The following OR51B5 variants were observed in gnomAD, a reference collection of about 807,000 sequenced individuals.
OR51B5 encodes olfactory receptor family 51 subfamily B member 5.
For missense variants in OR51B5, 456 were observed against 374.6 expected, an observed-to-expected ratio of 1.22 and a Z score of -1.79; for synonymous variants, 186 against 144.8, an observed-to-expected ratio of 1.28 and a Z score of -2.04.
At chr11:5,488,628 A>C (rs772855377) in intron 1 of OR51B5, 51 of 1,096,108 alleles carry the variant, frequency 4.7e-5, no homozygotes, top group Non-Finnish European at 6.8e-5. Context: ...TTTGTTTTAC[A>C]TAAATCAACC....
At chr11:5,413,064 G>A (rs955947744) in intron 1 of OR51B5, among the ~76,000 whole-genome samples, 2 of 152,174 alleles carry the variant, frequency 1.3e-5, no homozygotes, top group African/African-American at 2.4e-5. Context: ...ACCTCACACG[G>A]CCTGATACTC....
chr11:5,384,304 C>T (rs2736537), intron 1 of OR51B5, among the ~76,000 whole-genome samples: 27,470 of 152,050 alleles, frequency 0.18, 2,778 homozygotes, highest in East Asian at 0.38. Context: ...TCCAAGTTGC[C>T]AGGATTATAA....
chr11:5,347,061 CT>C (rs1849003737), upstream of OR51B5, among the ~76,000 whole-genome samples: 1 of 152,124 alleles, frequency 6.6e-6, no homozygotes, highest in East Asian at 1.9e-4. Flanking sequence ...TCCCCCCAAG[CT>C]TTTAAATAAT....
At chr11:5,421,621 G>A (rs563062411) in intron 1 of OR51B5, among the ~76,000 whole-genome samples, 1 of 152,242 alleles carries the variant, frequency 6.6e-6, no homozygotes, top group Admixed American at 6.5e-5. Context: ...ATTAGCTAAT[G>A]AGAATAGGAC....
chr11:5,489,800 T>C (rs1433167169), intron 1 of OR51B5: 3 of 677,648 alleles, frequency 4.4e-6, no homozygotes, highest in African/African-American at 1.8e-5. Context: ...AATAGCCAGA[T>C]GAATCAGAGC....
At chr11:5,439,728 T>C (rs1246436126) in intron 1 of OR51B5, among the ~76,000 whole-genome samples, 2 of 152,164 alleles carry the variant, frequency 1.3e-5, no homozygotes, top group African/African-American at 4.8e-5. Context: ...TTGTTAATCA[T>C]GAGTTTTGTT....
intron 1 of OR51B5, among the ~76,000 whole-genome samples, chr11:5,498,729 T>C (rs941446099): frequency 6.6e-5 from 10 of 152,220 alleles, no homozygotes; most frequent in Admixed American, 3.9e-4. Context: ...TGCTGGGTCC[T>C]TGGGAAAGGC....
chr11:5,408,229 T>G (rs528810211), intron 1 of OR51B5, among the ~76,000 whole-genome samples: 11 of 152,132 alleles, frequency 7.2e-5, no homozygotes, highest in Non-Finnish European at 1.6e-4. Flanking sequence ...CTCCAGTCCC[T>G]TCCTCATCCT....
At chr11:5,441,676 G>A (rs931114590) in intron 1 of OR51B5, among the ~76,000 whole-genome samples, 3 of 152,132 alleles carry the variant, frequency 2.0e-5, no homozygotes, top group Non-Finnish European at 4.4e-5. Context: ...GGAAGCAACC[G>A]GGTTCTAATC....
intron 1 of OR51B5, among the ~76,000 whole-genome samples, chr11:5,367,852 A>AT (rs913832507): frequency 1.3e-5 from 2 of 151,836 alleles, no homozygotes; most frequent in East Asian, 1.9e-4. Flanking sequence ...TCAAAAATGT[A>AT]TTTTTTTTCA....
At chr11:5,388,986 C>G (rs981911293) in intron 1 of OR51B5, among the ~76,000 whole-genome samples, 1 of 151,922 alleles carries the variant, frequency 6.6e-6, no homozygotes, top group Non-Finnish European at 1.5e-5. Context: ...TTGCTAGAGT[C>G]TGGAAATCAA....
intron 1 of OR51B5, among the ~76,000 whole-genome samples, chr11:5,462,860 T>C (rs1447445996): frequency 6.6e-6 from 1 of 152,172 alleles, no homozygotes. Flanking sequence ...CGTAAATGCT[T>C]TCAGGATTCC....
chr11:5,442,316 A>G (rs1211713504), intron 1 of OR51B5, among the ~76,000 whole-genome samples: 1 of 152,174 alleles, frequency 6.6e-6, no homozygotes, highest in East Asian at 1.9e-4. Context: ...AACCATTACC[A>G]AAATTTTAAA....
At chr11:5,413,384 C>A (rs1241795169) in intron 1 of OR51B5, among the ~76,000 whole-genome samples, 1 of 152,172 alleles carries the variant, frequency 6.6e-6, no homozygotes, top group Non-Finnish European at 1.5e-5. Context: ...AGCACCTCTC[C>A]TCCTCCAAAG....
chr11:5,422,957 C>T (rs1371286097), intron 1 of OR51B5: 3 of 1,614,090 alleles, frequency 1.9e-6, no homozygotes, highest in South Asian at 2.2e-5. Context: ...TGTCCTGGTC[C>T]TCTACATTCC....
intron 1 of OR51B5, among the ~76,000 whole-genome samples, chr11:5,361,293 G>T (rs1452515270): frequency 1.2e-4 from 19 of 152,166 alleles, no homozygotes; most frequent in African/African-American, 2.4e-5. Context: ...AGCGACTCCT[G>T]TTCCAAAGTT....
chr11:5,426,346 A>G (rs1850450665), intron 1 of OR51B5, among the ~76,000 whole-genome samples: 1 of 152,228 alleles, frequency 6.6e-6, no homozygotes, highest in African/African-American at 2.4e-5. Flanking sequence ...TTACAGGATG[A>G]AGTTTAATGG....
At chr11:5,360,739 CCCA>C (rs1849271052) in intron 1 of OR51B5, among the ~76,000 whole-genome samples, 1 of 149,852 alleles carries the variant, frequency 6.7e-6, no homozygotes, top group Non-Finnish European at 1.5e-5. Context: ...TTGGAACCAA[CCCA>C]AATGTCCAAC....
intron 1 of OR51B5, among the ~76,000 whole-genome samples, chr11:5,439,104 C>A (rs1177400376): frequency 1.0e-5 from 1 of 99,178 alleles, no homozygotes; most frequent in Non-Finnish European, 2.4e-5. Flanking sequence ...CTCGTCCTCT[C>A]TCTCTCTCTC....
Sources: allele counts gnomAD v4.1 joint callset (sites outside exome capture counted in the v4.1 genomes callset), GRCh38; gene constraint gnomAD v4.1.1; transcripts MANE v1.5; gene names NCBI Gene and HGNC (gene_info 2026-07-23, HGNC 2026-07-21).